The following IPMK variants were observed in gnomAD, a reference collection of about 807,000 sequenced individuals.
The protein encoded by IPMK is inositol 1,3,4,6-tetrakisphosphate 5-kinase.
In IPMK, 17 loss-of-function variants were observed where a neutral mutation model predicts 45.8. The observed-to-expected ratio is 0.37, with a 90% confidence interval of 0.25 to 0.56. The LOEUF is 0.56. IPMK is among the 20% of genes least tolerant of loss of function. IPMK has a pLI of 0.79. For missense variants in IPMK, 399 were observed against 498.0 expected (o/e 0.80, Z 1.89); for synonymous variants, 180 against 184.3 (o/e 0.98, Z 0.19).
intron 1 of IPMK, among the ~76,000 whole-genome samples, chr10:58,250,368 T>G (rs924525183): frequency 6.6e-6 from 1 of 152,214 alleles, no homozygotes; most frequent in South Asian, 2.1e-4. Flanking sequence ...TTTATAGTTT[T>G]TATTGTAAAG....
Position 58,193,520 on chromosome 10 carries a change from T to C in IPMK, c.*2556A>G, listed in dbSNP as rs1054586413. ...AATTTATTTGAATCTATGCAATGTC[T>C]ATCCATATTAAAATATCAATTAATG... On this transcript the variant is annotated 3_prime_UTR_variant, in exon 6 of 6. Coordinates refer to ENST00000373935, the MANE Select transcript of IPMK (RefSeq NM_152230.5). The C allele has an allele frequency of 1.3e-4, 20 of 151,858 alleles. No homozygotes were observed. The highest frequency in any genetic ancestry group is 2.8e-4 in the Non-Finnish European group (19 of 67,746). The allele number at this position is 151,858 out of a possible 1,614,324, so 9.4% of individuals were successfully genotyped here.
chr10:58,227,629 A>C (rs1005796914), intron 2 of IPMK, among the ~76,000 whole-genome samples: 37 of 152,260 alleles, frequency 2.4e-4, no homozygotes, highest in Non-Finnish European at 3.2e-4. Context: ...CAAATCTTTA[A>C]CACATATTTG....
intron 1 of IPMK, among the ~76,000 whole-genome samples, chr10:58,238,353 TAA>T (rs1459908762): frequency 1.3e-5 from 2 of 152,128 alleles, no homozygotes; most frequent in African/African-American, 4.8e-5. Flanking sequence ...AGCCAATGGG[TAA>T]AGTTAGGGCT....
intron 3 of IPMK, 86 bp from the exon 4 acceptor site, chr10:58,216,403 C>G: frequency 1.8e-6 from 1 of 560,242 alleles, no homozygotes; most frequent in Non-Finnish European, 2.8e-6. Context: ...ATGAGAAAAT[C>G]CTAAAACAGA....
intron 5 of IPMK, 70 bp downstream of exon 5, chr10:58,199,165 GACAAC>G: frequency 1.2e-6 from 1 of 835,398 alleles, no homozygotes; most frequent in Non-Finnish European, 1.9e-6. Flanking sequence ...TTTTCCAAAT[GACAAC>G]TAAAACTGAA....
At chr10:58,211,388 T>C (rs1817413329) in intron 4 of IPMK, among the ~76,000 whole-genome samples, 1 of 152,012 alleles carries the variant, frequency 6.6e-6, no homozygotes, top group Admixed American at 6.6e-5. Context: ...AGACAGGGTT[T>C]CGTCATGTTG....
At chr10:58,248,254 G>A (rs1367141957) in intron 1 of IPMK, among the ~76,000 whole-genome samples, 1 of 151,766 alleles carries the variant, frequency 6.6e-6, no homozygotes, top group Non-Finnish European at 1.5e-5. Context: ...GAGATCTGTT[G>A]CACATCAATG....
chr10:58,213,641 G>T (rs910246781), intron 4 of IPMK, among the ~76,000 whole-genome samples: 2 of 151,574 alleles, frequency 1.3e-5, no homozygotes, highest in Non-Finnish European at 2.9e-5. Context: ...GAGCAGAGAT[G>T]CGACACTGCA....
intron 4 of IPMK, among the ~76,000 whole-genome samples, chr10:58,207,251 C>T (rs1213921638): frequency 1.3e-5 from 2 of 152,244 alleles, no homozygotes; most frequent in Non-Finnish European, 2.9e-5. Flanking sequence ...GATCCGCCTG[C>T]CTCGGCCTCC....
intron 4 of IPMK, among the ~76,000 whole-genome samples, chr10:58,213,709 G>A (rs7907865): frequency 2.0e-3 from 301 of 148,760 alleles, no homozygotes; most frequent in Non-Finnish European, 3.5e-3. Context: ...AAAAAAAAAA[G>A]AAAAAATAGA....
intron 1 of IPMK, among the ~76,000 whole-genome samples, chr10:58,249,477 C>G (rs946452679): frequency 6.6e-6 from 1 of 151,796 alleles, no homozygotes; most frequent in African/African-American, 2.4e-5. Context: ...ATGTTGAGCA[C>G]TTTTTCATAC....
chr10:58,236,582 A>G (rs541584299), intron 2 of IPMK, among the ~76,000 whole-genome samples: 25 of 152,320 alleles, frequency 1.6e-4, no homozygotes, highest in South Asian at 4.1e-4. Flanking sequence ...GAAACTATTC[A>G]ATATTCACTC....
At chr10:58,218,384 C>T (rs1055086792) in intron 3 of IPMK, among the ~76,000 whole-genome samples, 2 of 152,172 alleles carry the variant, frequency 1.3e-5, no homozygotes, top group Non-Finnish European at 2.9e-5. Flanking sequence ...AAGAAAGAAG[C>T]ACAGGACATT....
Position 58,245,505 on chromosome 10 carries a change from G to A in IPMK, c.191-7691C>T, listed in dbSNP as rs372748241. Among the ~76,000 whole-genome samples, 20 of 150,668 alleles carry A rather than the reference G, an allele frequency of 1.3e-4. No individual in the cohort carries two copies. The East Asian group carries it at 2.5e-3, about 19-fold the overall frequency. On this transcript the variant is annotated intron_variant, in intron 1 of 5. Coordinates refer to ENST00000373935, the MANE Select transcript of IPMK (RefSeq NM_152230.5). ...CACATGCCTGTAATCCCAACTACTC[G>A]GGAGGCTGGGGTAGGACAATCGCTT...
chr10:58,251,020 C>T (rs1838872451), intron 1 of IPMK, among the ~76,000 whole-genome samples: 1 of 152,080 alleles, frequency 6.6e-6, no homozygotes. Flanking sequence ...AGAGACTTTT[C>T]ATCTATTTAA....
chr10:58,231,639 T>A (rs777759327), intron 2 of IPMK, among the ~76,000 whole-genome samples: 1 of 152,108 alleles, frequency 6.6e-6, no homozygotes, highest in Non-Finnish European at 1.5e-5. Context: ...AGAGACTCTG[T>A]CACCACCAGG....
At chr10:58,262,799 A>G (rs1839094801) in intron 1 of IPMK, among the ~76,000 whole-genome samples, 1 of 152,264 alleles carries the variant, frequency 6.6e-6, no homozygotes, top group Non-Finnish European at 1.5e-5. Context: ...CATAATGGGT[A>G]ATGATACATG....
intron 1 of IPMK, among the ~76,000 whole-genome samples, chr10:58,265,370 G>A (rs1218416690): frequency 6.6e-6 from 1 of 152,094 alleles, no homozygotes. Context: ...CTTATCCTGA[G>A]AATTATTTCA....
At chr10:58,221,249 C>T (rs1418801120) in intron 3 of IPMK, among the ~76,000 whole-genome samples, 1 of 152,118 alleles carries the variant, frequency 6.6e-6, no homozygotes, top group Non-Finnish European at 1.5e-5. Flanking sequence ...CTCAAGTATG[C>T]CCTTAAAGTT....
Sources: allele counts gnomAD v4.1 joint callset (sites outside exome capture counted in the v4.1 genomes callset), GRCh38; gene constraint gnomAD v4.1.1; transcripts MANE v1.5; gene names NCBI Gene and HGNC (gene_info 2026-07-23, HGNC 2026-07-21).